CIC: variants seen among roughly 807,000 people sequenced by gnomAD.
CIC encodes the protein protein capicua homolog.
A neutral mutation model predicts 115.7 loss-of-function variants in CIC; 18 were observed. The observed-to-expected ratio is 0.16, with a 90% CI of 0.11 to 0.23. The LOEUF (loss-of-function observed/expected upper bound fraction) is 0.23, where lower values mean the gene tolerates loss of function less well. CIC is among the 10% of genes least tolerant of loss of function. The probability of loss-of-function intolerance (pLI) is 1.00; values close to 1 mark genes in which losing one functional copy is unlikely to be tolerated. For synonymous variants in CIC, 1,076 were observed against 923.0 expected (o/e 1.17, Z -3.01); for missense variants, 2,000 against 2,159.3 (o/e 0.93, Z 1.46).
intron 12 of CIC, 144 bp from the exon 13 acceptor site, chr19:42,291,942 C>T: frequency 7.4e-7 from 1 of 1,346,112 alleles, no homozygotes; most frequent in Non-Finnish European, 1.1e-6. Context: ...GTCCCCACCT[C>T]TCACTGTCAT....
intron 10 of CIC, 41 bp downstream of exon 10, chr19:42,289,992 C>G (rs1157281657): frequency 1.3e-6 from 2 of 1,515,376 alleles, no homozygotes; most frequent in Non-Finnish European, 9.1e-7. Flanking sequence ...CACACTCCCT[C>G]CTAAGCCATG....
At chr19:42,290,208 G>C in intron 10 of CIC, 25 bp from the exon 11 acceptor site, 3 of 1,613,996 alleles carry the variant, frequency 1.9e-6, no homozygotes, top group Non-Finnish European at 1.7e-6. Flanking sequence ...TCCTGACCTG[G>C]GGTGTCTCCC....
intron 2 of CIC, chr19:42,284,528 C>T (rs2037465139): frequency 1.2e-5 from 2 of 164,532 alleles, no homozygotes; most frequent in South Asian, 2.2e-4. Flanking sequence ...CAGGCGCGCC[C>T]GGCAGAGACC....
At chr19:42,276,985 T>C (rs10410198) in intron 2 of CIC, among the ~76,000 whole-genome samples, 10,533 of 152,198 alleles carry the variant, frequency 0.069, 436 homozygotes, top group Middle Eastern at 0.16. Context: ...GGATGAGAGC[T>C]TTGAGTCATC....
chr19:42,273,191 G>T lies in CIC; in HGVS notation c.1408G>T (p.Ala470Ser). 1 of 398,762 alleles carries T rather than the reference G, an allele frequency of 2.5e-6. No individual in the cohort carries two copies. The highest frequency in any genetic ancestry group is 4.4e-6 in the Non-Finnish European group (1 of 226,176). The allele number at this position is 398,762 out of a possible 1,614,324, so 24.7% of individuals were successfully genotyped here. A position where few individuals can be genotyped will look rare whatever the true frequency, so the allele number is the denominator to read the frequency against. ...AAAGGGGACAGCACCGGCAGCCCGG[G>T]CCCGCACGCCACTGACAGCCGCCCA... Reference protein sequence around the residue: ...LEKGTAPAARARTPLTAAQQK... With the variant: ...LEKGTAPAARSRTPLTAAQQK... The change falls in exon 2 of 21, where the codon GCC becomes TCC. Residue 470 changes from alanine (A) to serine (S), a missense_variant. Transcript: ENST00000681038.
Position 42,295,459 on chromosome 19 carries a change from A to G in CIC, c.*268A>G, listed in dbSNP as rs775007240. The stretch of plus-strand genomic sequence containing the variant: ...TGTGACCTTCAGAGCTTTTCACTTT[A>G]TGCAAAATGGCTCCTGTGAGGGCTG... On this transcript the variant is annotated 3_prime_UTR_variant, in exon 21 of 21. Transcript: ENST00000681038. The G allele has an allele frequency of 2.6e-5, 11 of 425,208 alleles. No homozygotes were observed. The highest frequency in any genetic ancestry group is 4.2e-5 in the Admixed American group (1 of 24,076). The allele number at this position is 425,208 out of a possible 1,614,324, so 26.3% of individuals were successfully genotyped here.
At chr19:42,284,613 A>C in intron 2 of CIC, 1 of 846,822 alleles carries the variant, frequency 1.2e-6, no homozygotes, top group South Asian at 1.8e-5. Context: ...CCCCGGGCCC[A>C]AGCGGCGACG....
In CIC at chr19:42,273,180, C is replaced by T. The variant is rs912705630; in HGVS notation, c.1397C>T (p.Pro466Leu). ...SVASLEKGTA[P>L]AARARTPLTA... is the part of the protein sequence containing the mutation. ...GCCTCCCTGGAAAAGGGGACAGCAC[C>T]GGCAGCCCGGGCCCGCACGCCACTG... The change falls in exon 2 of 21, where the codon CCG (proline) becomes CTG (leucine). Residue 466 changes from proline (P) to leucine (L), a missense_variant. Coordinates refer to ENST00000681038, the MANE Select transcript of CIC (RefSeq NM_001386298.1). The T allele has an allele frequency of 2.8e-5, 11 of 398,672 alleles. No individual in the cohort carries two copies. Among genetic ancestry groups the T allele is most frequent in the Non-Finnish European group, 3.1e-5 (7 of 226,214 alleles). The allele number at this position is 398,672 out of a possible 1,614,324, so 24.7% of individuals were successfully genotyped here. A position where few individuals can be genotyped will look rare whatever the true frequency, so the allele number is the denominator to read the frequency against.
chr19:42,287,929 G>A lies in CIC; in HGVS notation c.3612G>A (p.Thr1204=), dbSNP rs374479285. ...GGCTGGCAGGAGGGCACAAGGAGACGCGGGAGCGGAGCATGTCGGAGACGG... is the reference window on the plus strand; with the variant it reads ...GGCTGGCAGGAGGGCACAAGGAGACACGGGAGCGGAGCATGTCGGAGACGG... ...SLGLAGGHKE[T]RERSMSETGT... Residue 1204 remains threonine (T), a synonymous_variant, in exon 7 of 21, where the codon ACG becomes ACA. Coordinates refer to ENST00000681038, the MANE Select transcript of CIC (RefSeq NM_001386298.1). This position sits in a 1 kb window ranked among gnomAD's most constrained non-coding sequence, Gnocchi z 8.7. 6.3e-5 allele frequency: 101 copies of A among 1,606,936 alleles called. No homozygotes were observed. In the African/African-American group the frequency reaches 7.6e-4, roughly 12 times the overall value.
chr19:42,292,091 C>G lies in CIC; in HGVS notation c.5619C>G (p.Ile1873Met). Residue 1873 changes from isoleucine (I) to methionine (M), a missense_variant, in exon 13 of 21, where the codon ATC (isoleucine) becomes ATG (methionine). Transcript: ENST00000681038. ...QNGAQPPSKIIQLTPVPVSTP... is the reference protein window; with the variant it reads ...QNGAQPPSKIMQLTPVPVSTP... ...ATGGGTGCCCTTCTCCACAGATCAT[C>G]CAGCTGACCCCGGTGCCTGTGAGCA... is the stretch of plus-strand genomic sequence containing the variant. 1.2e-6 allele frequency: 2 copies of G among 1,613,824 alleles called. No homozygotes were observed. Among genetic ancestry groups the G allele is most frequent in the Non-Finnish European group, 1.7e-6 (2 of 1,180,008 alleles).
Position 42,284,689 on chromosome 19 carries a change from C to T in CIC, c.2795-2082C>T, listed in dbSNP as rs750660377. 17 of 1,540,736 alleles carry T rather than the reference C, an allele frequency of 1.1e-5. 1 individual carries two copies. In the Admixed American group the frequency reaches 3.1e-4, roughly 28 times the overall value. On this transcript the variant is annotated intron_variant, in intron 2 of 20. Transcript: ENST00000681038. Reference sequence around the variant, plus strand: ...AGGAGGTGCGAGCCCCTGCCGGGTCCCCCCTGCGCCGGACCATGTATTCGG... The same window carrying T: ...AGGAGGTGCGAGCCCCTGCCGGGTCTCCCCTGCGCCGGACCATGTATTCGG...
intron 19 of CIC, 134 bp from the exon 20 acceptor site, chr19:42,294,470 G>GT (rs1326783643): frequency 3.3e-5 from 51 of 1,544,092 alleles, no homozygotes; most frequent in Non-Finnish European, 3.3e-5. Context: ...AGGTTGCCCT[G>GT]TGACTGTGGG....
intron 2 of CIC, among the ~76,000 whole-genome samples, chr19:42,283,086 G>A (rs545144025): frequency 5.9e-5 from 9 of 152,152 alleles, no homozygotes; most frequent in Non-Finnish European, 1.2e-4. Flanking sequence ...ACCCATTAGG[G>A]TAGGATTATA....
Position 42,287,100 on chromosome 19 carries a change from G to C in CIC, c.3039G>C (p.Glu1013Asp), listed in dbSNP as rs1256325889. The C allele has an allele frequency of 3.1e-6, 5 of 1,613,500 alleles. No homozygotes were observed. Among genetic ancestry groups the C allele is most frequent in the African/African-American group, 1.3e-5 (1 of 75,034 alleles). ...GGCCCCCTGGAGCCACATGCCCTGA[G>C]AGCCCAGGACCCGGACCCCCACACC... Reference protein sequence around the residue: ...PERPPGATCPESPGPGPPHPL... With the variant: ...PERPPGATCPDSPGPGPPHPL... Residue 1013 changes from glutamate (E) to aspartate (D), a missense_variant, in exon 4 of 21, where the codon GAG becomes GAC. Physicochemically the swap from Glu to Asp is conservative, Grantham distance 45. Around this residue, in one of 8 missense-constraint regions of CIC, gnomAD observed 222 missense variants for 247.7 expected, o/e 0.90. Transcript: ENST00000681038. The surrounding 1 kb of genome is among the most constrained non-coding windows in gnomAD (Gnocchi z 8.7).
In CIC at chr19:42,287,249, C is replaced by T. The variant is rs2147185552; in HGVS notation, c.3179+9C>T. The T allele has an allele frequency of 6.2e-7, 1 of 1,614,012 alleles. No homozygotes were observed. The highest frequency in any genetic ancestry group is 1.3e-5 in the African/African-American group (1 of 75,038). On this transcript the variant is annotated intron_variant, in intron 4 of 20. Coordinates refer to ENST00000681038, the MANE Select transcript of CIC (RefSeq NM_001386298.1). This position sits in a 1 kb window ranked among gnomAD's most constrained non-coding sequence, Gnocchi z 8.7. The stretch of plus-strand genomic sequence containing the variant: ...AGTGACCATGATGATGCGTGAGTTC[C>T]CTGAGGCCTGGGACTTGGGGGTGGG...
At chr19:42,294,788 C>T in intron 20 of CIC, 36 bp from the exon 21 acceptor site, 1 of 1,608,222 alleles carries the variant, frequency 6.2e-7, no homozygotes. Context: ...ATCTGTACAT[C>T]TCATCCTGTG....
At position 42,270,231 on chromosome 19, in the gene CIC, C is replaced by T. The variant is rs1031570540; in HGVS notation, c.-11+850C>T. On this transcript the variant is annotated intron_variant, in intron 1 of 20. Transcript: ENST00000681038. This position sits in a 1 kb window ranked among gnomAD's most constrained non-coding sequence, Gnocchi z 4.1. ...CTTCTGGGCATTTGGGTGCCAGCCC[C>T]GGGACGCCCTCCAGGCTCTGCCTGT... is the stretch of plus-strand genomic sequence containing the variant. 2.0e-5 allele frequency among the ~76,000 whole-genome samples: 3 copies of T among 152,280 alleles called. No homozygotes were observed. The highest frequency in any genetic ancestry group is 7.2e-5 in the African/African-American group (3 of 41,544).
chr19:42,295,141 C>CCCGGG lies in CIC; in HGVS notation c.7504_7505insCCGGG (p.Gln2502ProfsTer29). The CCCGGG allele has an allele frequency of 7.7e-6, 11 of 1,430,094 alleles. No homozygotes were observed. Among genetic ancestry groups the CCCGGG allele is most frequent in the Non-Finnish European group, 1.0e-5 (11 of 1,073,590 alleles). The allele number at this position is 1,430,094 out of a possible 1,614,324, so 88.6% of individuals were successfully genotyped here. On this transcript the variant is annotated frameshift_variant, in exon 21 of 21. Coordinates refer to ENST00000681038, the MANE Select transcript of CIC (RefSeq NM_001386298.1). LOFTEE classifies it high-confidence loss of function. ...ACAGCCTGGCTGGGAGGGGGCTCCC[C>CCCGGG]AGCCCTCCCCCCCACCCCCAGGTCC...
At chr19:42,284,588 A>C in intron 2 of CIC, 2 of 395,622 alleles carry the variant, frequency 5.1e-6, no homozygotes, top group East Asian at 4.5e-5. Flanking sequence ...GCATGCGGCG[A>C]CGGCCTCCCG....
Sources: gnomAD v4.1 joint callset for allele counts (sites outside exome capture counted in the v4.1 genomes callset) on GRCh38, gnomAD v4.1.1 for gene constraint, gnomAD v4.1.1 regional missense constraint, Gnocchi (gnomAD v3.1) non-coding constraint, MANE v1.5 for transcripts, NCBI Gene and HGNC (gene_info 2026-07-23, HGNC 2026-07-21) for gene names.